SOX6: variants seen among roughly 807,000 people sequenced by gnomAD.
SOX6 encodes transcription factor SOX-6.
SOX6 carries 11 observed loss-of-function variants against 97.8 expected under a neutral mutation model. That is an observed-to-expected ratio of 0.11 (90% CI 0.07 to 0.19). SOX6 has a LOEUF of 0.19. Among genes scored for constraint, SOX6 ranks in the 10% least tolerant of loss-of-function variants. SOX6 has a pLI of 1.00. For missense variants in SOX6, 810 were observed against 1,039.5 expected (o/e 0.78, Z 3.04); for synonymous variants, 360 against 371.4 (o/e 0.97, Z 0.35).
chr11:16,487,902 A>C (rs913207024), intron 4 of SOX6, among the ~76,000 whole-genome samples: 3 of 152,212 alleles, frequency 2.0e-5, no homozygotes, highest in Admixed American at 2.0e-4. Flanking sequence ...ATGAGTTGAC[A>C]CCGCCTGTTG....
intron 15 of SOX6, among the ~76,000 whole-genome samples, chr11:15,978,618 T>C (rs892654454): frequency 2.0e-5 from 3 of 151,150 alleles, no homozygotes; most frequent in Non-Finnish European, 4.4e-5. Flanking sequence ...TCTATCTAAA[T>C]TGATTCCCTT....
intron 3 of SOX6, among the ~76,000 whole-genome samples, chr11:16,705,825 A>C (rs1848128040): frequency 6.6e-6 from 1 of 152,240 alleles, no homozygotes; most frequent in Non-Finnish European, 1.5e-5. Context: ...TCACTAAAAA[A>C]ATAACCAAAA....
rs1853157088 is a variant in SOX6, at chr11:15,966,951, T to G, written c.*5858A>C. The G allele has an allele frequency of 6.6e-6, 1 of 152,180 alleles. No homozygotes were observed. Among genetic ancestry groups the G allele is most frequent in the Non-Finnish European group, 1.5e-5 (1 of 68,044 alleles). 9.4% of individuals were successfully genotyped at this position (152,180 alleles called of 1,614,324 possible). ...CCCATTTCTTTAATCCTTAGCAAAC[T>G]TTTTATTATTATTATTATCAAGAGG... On this transcript the variant is annotated 3_prime_UTR_variant, in exon 16 of 16. Coordinates refer to ENST00000683767, the MANE Select transcript of SOX6 (RefSeq NM_001367873.1).
intron 6 of SOX6, among the ~76,000 whole-genome samples, chr11:16,176,115 CAGAGAG>C (rs143702999): frequency 1.4e-5 from 2 of 141,236 alleles, no homozygotes; most frequent in South Asian, 2.3e-4. Flanking sequence ...ATGGATGAGA[CAGAGAG>C]AGAGAGAGAG....
chr11:16,589,633 T>C (rs1374068319), intron 4 of SOX6, among the ~76,000 whole-genome samples: 1 of 152,096 alleles, frequency 6.6e-6, no homozygotes, highest in Non-Finnish European at 1.5e-5. Context: ...TGATGATCCA[T>C]GCATATCTGA....
In SOX6 at chr11:15,972,361, C is replaced by T; in HGVS notation, c.*448G>A. ...CTTGTTCTGTTTCACAATATGAAAT[C>T]CTCAGTTGTTTTCTAAAATAATTCA... On this transcript the variant is annotated 3_prime_UTR_variant, in exon 16 of 16. Coordinates refer to ENST00000683767, the MANE Select transcript of SOX6 (RefSeq NM_001367873.1). 5.9e-6 allele frequency: 1 copy of T among 169,998 alleles called. No individual in the cohort carries two copies. Among genetic ancestry groups the T allele is most frequent in the East Asian group, 1.6e-4 (1 of 6,194 alleles). The allele number at this position is 169,998 out of a possible 1,614,324, so 10.5% of individuals were successfully genotyped here. A position where few individuals can be genotyped will look rare whatever the true frequency, so the allele number is the denominator to read the frequency against.
intron 12 of SOX6, among the ~76,000 whole-genome samples, chr11:16,017,385 G>A (rs1273473516): frequency 6.6e-6 from 1 of 152,030 alleles, no homozygotes; most frequent in Non-Finnish European, 1.5e-5. Flanking sequence ...ATAAATCAAT[G>A]ATAGAAATTG....
intron 6 of SOX6, among the ~76,000 whole-genome samples, chr11:16,169,432 C>T (rs1435650748): frequency 6.6e-6 from 1 of 151,738 alleles, no homozygotes; most frequent in Admixed American, 6.6e-5. Context: ...TATCAGTAGT[C>T]AAAAATTAAG....
chr11:16,237,164 T>C (rs772795221), intron 3 of SOX6, among the ~76,000 whole-genome samples: 78 of 151,984 alleles, frequency 5.1e-4, no homozygotes, highest in Non-Finnish European at 1.1e-3. Context: ...TAAGAAAGTC[T>C]CTTGACAAAT....
At chr11:16,516,754 GAGGAACTGGT>G (rs2133156971) in intron 4 of SOX6, among the ~76,000 whole-genome samples, 1 of 149,604 alleles carries the variant, frequency 6.7e-6, no homozygotes, top group African/African-American at 2.5e-5. Flanking sequence ...GAGGTACAAG[GAGGAACTGGT>G]ACCATTCCTT....
chr11:16,515,912 T>A (rs1860963715), intron 4 of SOX6, among the ~76,000 whole-genome samples: 1 of 145,498 alleles, frequency 6.9e-6, no homozygotes, highest in Non-Finnish European at 1.5e-5. Context: ...TCTATATCTC[T>A]GTTTTGGTAC....
chr11:16,370,811 G>A (rs981818116), intron 1 of SOX6, among the ~76,000 whole-genome samples: 8 of 151,798 alleles, frequency 5.3e-5, no homozygotes, highest in East Asian at 1.9e-4. Context: ...AGAAAGCCCC[G>A]TGAGTTCTTC....
intron 1 of SOX6, among the ~76,000 whole-genome samples, chr11:16,424,757 T>C (rs928126643): frequency 6.6e-6 from 1 of 152,240 alleles, no homozygotes; most frequent in African/African-American, 2.4e-5. Flanking sequence ...GTTACACACC[T>C]GAACTACCAA....
chr11:16,466,718 C>T (rs1269903229), intron 1 of SOX6, among the ~76,000 whole-genome samples: 1 of 150,490 alleles, frequency 6.6e-6, no homozygotes, highest in African/African-American at 2.4e-5. Flanking sequence ...ATCACGAGGT[C>T]AGGAGATCGA....
chr11:16,247,346 C>T (rs1451366167), intron 3 of SOX6, among the ~76,000 whole-genome samples: 4 of 152,118 alleles, frequency 2.6e-5, no homozygotes, highest in Non-Finnish European at 5.9e-5. Flanking sequence ...CCGTATTTGG[C>T]TATTGTGAGT....
intron 1 of SOX6, among the ~76,000 whole-genome samples, chr11:16,447,369 T>G (rs1413533208): frequency 6.6e-6 from 1 of 152,166 alleles, no homozygotes; most frequent in Non-Finnish European, 1.5e-5. Context: ...TAAAAATGGG[T>G]ACAGTAATAG....
chr11:16,542,804 C>T (rs1384197783), intron 4 of SOX6, among the ~76,000 whole-genome samples: 2 of 152,092 alleles, frequency 1.3e-5, no homozygotes, highest in South Asian at 2.1e-4. Flanking sequence ...TGCTCTGTAC[C>T]ATTAGAATTC....
intron 15 of SOX6, among the ~76,000 whole-genome samples, chr11:15,980,168 G>C (rs1184966109): frequency 6.6e-6 from 1 of 152,024 alleles, no homozygotes; most frequent in Non-Finnish European, 1.5e-5. Flanking sequence ...CATAAATAAA[G>C]GGGAGATTTG....
intron 3 of SOX6, among the ~76,000 whole-genome samples, chr11:16,250,106 G>A (rs895741541): frequency 2.2e-4 from 34 of 152,196 alleles, no homozygotes; most frequent in African/African-American, 8.2e-4. Context: ...AGCCTTACTG[G>A]TACCAGCATT....
Sources: allele counts gnomAD v4.1 joint callset (sites outside exome capture counted in the v4.1 genomes callset), GRCh38; gene constraint gnomAD v4.1.1; transcripts MANE v1.5; gene names NCBI Gene and HGNC (gene_info 2026-07-23, HGNC 2026-07-21).